The following CADPS variants were observed in gnomAD, a reference collection of about 807,000 sequenced individuals.
CADPS encodes calcium dependent secretion activator, also known as calcium-dependent secretion activator 1.
CADPS carries 57 observed loss-of-function variants against 167.3 expected under a neutral mutation model. That is an observed-to-expected ratio of 0.34 (90% CI 0.28 to 0.42). The LOEUF is 0.42. Among genes scored for constraint, CADPS ranks in the 20% least tolerant of loss-of-function variants. The pLI is 1.00. For synonymous variants in CADPS, 676 were observed against 635.3 expected, an observed-to-expected ratio of 1.06 and a Z score of -0.96; for missense variants, 1,414 against 1,738.1, an observed-to-expected ratio of 0.81 and a Z score of 3.32.
At chr3:62,503,751 C>A (rs2151378626) in intron 17 of CADPS, among the ~76,000 whole-genome samples, 1 of 152,300 alleles carries the variant, frequency 6.6e-6, no homozygotes, top group Middle Eastern at 3.4e-3. Flanking sequence ...ATACTGTAAT[C>A]AGCACTTGAC....
chr3:62,853,707 T>C (rs781671159), intron 1 of CADPS, among the ~76,000 whole-genome samples: 8 of 151,036 alleles, frequency 5.3e-5, no homozygotes, highest in Non-Finnish European at 1.2e-4. Context: ...ACGCCTATAA[T>C]CCCAGCCCTT....
chr3:62,498,040 T>C (rs914482314), intron 18 of CADPS: 1 of 450,770 alleles, frequency 2.2e-6, no homozygotes, highest in African/African-American at 2.0e-5. Flanking sequence ...GGGTCAGTGT[T>C]AGAAAGCAGG....
At chr3:62,745,277 T>C (rs529523755) in intron 3 of CADPS, among the ~76,000 whole-genome samples, 2 of 152,278 alleles carry the variant, frequency 1.3e-5, no homozygotes, top group East Asian at 3.9e-4. Context: ...TTCACCATGT[T>C]GCCCAGCCTG....
At chr3:62,718,303 T>C (rs1181783610) in intron 3 of CADPS, among the ~76,000 whole-genome samples, 1 of 152,066 alleles carries the variant, frequency 6.6e-6, no homozygotes. Flanking sequence ...AATGAATACA[T>C]TTTTTTAAAA....
chr3:62,731,054 T>C (rs2077678132), intron 3 of CADPS, among the ~76,000 whole-genome samples: 1 of 152,220 alleles, frequency 6.6e-6, no homozygotes. Context: ...ATCTTTAGTC[T>C]TTGTAAATCT....
At chr3:62,539,775 C>A (rs855586) in intron 11 of CADPS, among the ~76,000 whole-genome samples, 46,119 of 151,958 alleles carry the variant, frequency 0.3, 9,420 homozygotes, top group African/African-American at 0.59. Flanking sequence ...GATTTTATGG[C>A]ATATTTATAT....
intron 3 of CADPS, among the ~76,000 whole-genome samples, chr3:62,748,866 C>A (rs2082100770): frequency 6.6e-6 from 1 of 152,154 alleles, no homozygotes; most frequent in Non-Finnish European, 1.5e-5. Flanking sequence ...TGCCACCACA[C>A]CCAGCTAGTT....
chr3:62,720,579 C>A (rs929006891), intron 3 of CADPS, among the ~76,000 whole-genome samples: 2 of 151,988 alleles, frequency 1.3e-5, no homozygotes, highest in African/African-American at 4.8e-5. Flanking sequence ...CCTCAAGTGA[C>A]CCTCCTGCCT....
At chr3:62,493,107 G>C (rs112370431) in intron 19 of CADPS, among the ~76,000 whole-genome samples, 2,305 of 152,292 alleles carry the variant, frequency 0.015, 59 homozygotes, top group African/African-American at 0.051. Flanking sequence ...AAGATCAGGA[G>C]TTACTTTTCT....
At chr3:62,578,221 G>A (rs1312844215) in intron 8 of CADPS, among the ~76,000 whole-genome samples, 2 of 150,502 alleles carry the variant, frequency 1.3e-5, no homozygotes, top group Non-Finnish European at 1.5e-5. Context: ...AAGGCTGGAG[G>A]GGCTATATCA....
chr3:62,753,389 G>T lies in CADPS; in HGVS notation c.888+52C>A, dbSNP rs1051812104. On this transcript the variant is annotated intron_variant, in intron 3 of 29. Coordinates refer to ENST00000383710, the MANE Select transcript of CADPS (RefSeq NM_003716.4). The surrounding 1 kb of genome is among the most constrained non-coding windows in gnomAD (Gnocchi z 4.6). ...ATCAAGAAGTATCTCATAGAAGTTG[G>T]AATGCAGCTCTGCTTACCCACAGCT... The T allele has an allele frequency of 1.2e-5, 16 of 1,301,458 alleles. No homozygotes were observed. The African/African-American group carries it at 1.6e-4, about 13-fold the overall frequency. 80.6% of individuals were successfully genotyped at this position (1,301,458 alleles called of 1,614,324 possible).
intron 21 of CADPS, among the ~76,000 whole-genome samples, chr3:62,490,753 G>T (rs756620391): frequency 1.3e-5 from 2 of 152,032 alleles, no homozygotes; most frequent in African/African-American, 2.4e-5. Context: ...TTTTAAAAAG[G>T]TGCATCTAAA....
At chr3:62,869,883 T>C (rs1247733480) in intron 1 of CADPS, among the ~76,000 whole-genome samples, 1 of 152,196 alleles carries the variant, frequency 6.6e-6, no homozygotes, top group Non-Finnish European at 1.5e-5. Context: ...TTCAACATGA[T>C]AGCTTACGAT....
chr3:62,789,279 A>G (rs928731272), intron 1 of CADPS, among the ~76,000 whole-genome samples: 2 of 152,144 alleles, frequency 1.3e-5, no homozygotes, highest in Non-Finnish European at 2.9e-5. Flanking sequence ...ACAAGTGAGG[A>G]AACCAAGACT....
intron 9 of CADPS, among the ~76,000 whole-genome samples, chr3:62,560,677 G>A (rs1009755498): frequency 2.6e-5 from 4 of 152,312 alleles, no homozygotes; most frequent in Middle Eastern, 3.4e-3. Context: ...AACAGTCAGC[G>A]AGGTTTTATT....
chr3:62,536,726 C>A (rs563544938), intron 11 of CADPS, 145 bp from the exon 12 acceptor site: 2 of 747,580 alleles, frequency 2.7e-6, no homozygotes, highest in African/African-American at 1.8e-5. Flanking sequence ...CCAAGATATT[C>A]TTTTTACCTC....
At chr3:62,477,701 C>A (rs73842406) in intron 23 of CADPS, among the ~76,000 whole-genome samples, 12,069 of 152,142 alleles carry the variant, frequency 0.079, 1,096 homozygotes, top group African/African-American at 0.22. Context: ...TGTAATGTTC[C>A]ATGTCTCATG....
At chr3:62,835,836 A>G (rs965181901) in intron 1 of CADPS, among the ~76,000 whole-genome samples, 1 of 152,210 alleles carries the variant, frequency 6.6e-6, no homozygotes, top group Non-Finnish European at 1.5e-5. Flanking sequence ...GAAAACAGAA[A>G]CTGAAACTGT....
intron 6 of CADPS, among the ~76,000 whole-genome samples, chr3:62,619,290 G>T (rs2062804666): frequency 6.6e-6 from 1 of 152,172 alleles, no homozygotes; most frequent in Non-Finnish European, 1.5e-5. Context: ...TCTAAATGGT[G>T]AGGGTAAATA....
Sources: allele counts gnomAD v4.1 joint callset (sites outside exome capture counted in the v4.1 genomes callset), GRCh38; gene constraint gnomAD v4.1.1; non-coding constraint Gnocchi (gnomAD v3.1); transcripts MANE v1.5; gene names NCBI Gene and HGNC (gene_info 2026-07-23, HGNC 2026-07-21).